MACROD2: variants seen among roughly 807,000 people sequenced by gnomAD.
MACROD2 encodes ADP-ribose glycohydrolase MACROD2.
A neutral mutation model predicts 70.4 loss-of-function variants in MACROD2; 36 were observed. The ratio of observed to expected loss-of-function variants is 0.51; its 90% CI spans 0.39 to 0.68. MACROD2 has a LOEUF of 0.68. Among genes scored for constraint, MACROD2 ranks in the 30% least tolerant of loss-of-function variants. MACROD2 has a pLI of 0.00. For synonymous variants in MACROD2, 172 were observed against 178.8 expected (o/e 0.96, Z 0.30); for missense variants, 496 against 538.4 (o/e 0.92, Z 0.78).
intron 3 of MACROD2, among the ~76,000 whole-genome samples, chr20:14,106,833 G>T (rs576839948): frequency 6.6e-6 from 1 of 152,154 alleles, no homozygotes; most frequent in Non-Finnish European, 1.5e-5. Flanking sequence ...GACCACCAAG[G>T]TGGTACCTTT....
At chr20:14,234,095 T>A (rs541204167) in intron 3 of MACROD2, among the ~76,000 whole-genome samples, 2 of 152,324 alleles carry the variant, frequency 1.3e-5, no homozygotes, top group Non-Finnish European at 2.9e-5. Flanking sequence ...TTGTAACAAA[T>A]GTACCACAGT....
chr20:15,270,776 T>C (rs2077339535), intron 6 of MACROD2, among the ~76,000 whole-genome samples: 1 of 152,138 alleles, frequency 6.6e-6, no homozygotes, highest in African/African-American at 2.4e-5. Flanking sequence ...AAACACACTA[T>C]GCAATCTTGC....
intron 6 of MACROD2, among the ~76,000 whole-genome samples, chr20:15,295,316 G>C (rs1376584634): frequency 6.6e-6 from 1 of 152,094 alleles, no homozygotes; most frequent in African/African-American, 2.4e-5. Flanking sequence ...TATGAAAATA[G>C]ACTAATACAC....
chr20:14,151,182 T>C (rs1297988450), intron 3 of MACROD2, among the ~76,000 whole-genome samples: 2 of 152,226 alleles, frequency 1.3e-5, no homozygotes, highest in African/African-American at 4.8e-5. Context: ...TTGTATCTAC[T>C]AGTCAAATTT....
chr20:14,307,012 A>AACACAC (rs3044626), intron 3 of MACROD2, among the ~76,000 whole-genome samples: 1,831 of 148,282 alleles, frequency 0.012, 15 homozygotes, highest in African/African-American at 0.025. Flanking sequence ...ACTAAATGTA[A>AACACAC]ACACACACAC....
intron 8 of MACROD2, among the ~76,000 whole-genome samples, chr20:15,609,778 G>A (rs942656676): frequency 2.0e-5 from 3 of 152,212 alleles, no homozygotes; most frequent in African/African-American, 7.2e-5. Context: ...AGGATCAGCA[G>A]GGGTTAGGCA....
intron 10 of MACROD2, among the ~76,000 whole-genome samples, chr20:15,895,981 T>C (rs1023159248): frequency 2.6e-5 from 4 of 152,248 alleles, no homozygotes; most frequent in South Asian, 2.1e-4. Flanking sequence ...TCTGAATTCA[T>C]GCATTGTACT....
chr20:15,046,832 A>C lies in MACROD2; in HGVS notation c.419-183108A>C, dbSNP rs150685670. On this transcript the variant is annotated intron_variant, in intron 5 of 17. Transcript: ENST00000684519. ...TCAGTTGTAGCTATTATACCTCATAACTTTCTGTTCCTTGACTTTGCTAAT... is the reference window on the plus strand; with the variant it reads ...TCAGTTGTAGCTATTATACCTCATACCTTTCTGTTCCTTGACTTTGCTAAT... Among the ~76,000 whole-genome samples the C allele has an allele frequency of 7.9e-5, 12 of 152,240 alleles. No homozygotes were observed. In the East Asian group the frequency reaches 2.3e-3, roughly 29 times the overall value.
chr20:14,505,388 G>A (rs1015733708), intron 4 of MACROD2, among the ~76,000 whole-genome samples: 3 of 152,072 alleles, frequency 2.0e-5, no homozygotes, highest in Admixed American at 6.5e-5. Flanking sequence ...CATATATCAA[G>A]GAATACCTGT....
chr20:15,456,241 G>C (rs1339422878), intron 7 of MACROD2, among the ~76,000 whole-genome samples: 1 of 152,160 alleles, frequency 6.6e-6, no homozygotes, highest in Non-Finnish European at 1.5e-5. Context: ...TAGAATGACT[G>C]ACTCTTCCTA....
chr20:14,874,195 A>G (rs887953642), intron 5 of MACROD2, among the ~76,000 whole-genome samples: 2 of 152,064 alleles, frequency 1.3e-5, no homozygotes, highest in African/African-American at 4.8e-5. Context: ...ACATTTGCAT[A>G]ATTTTTAAAA....
At chr20:16,049,159 G>T (rs1039219949) in intron 17 of MACROD2, among the ~76,000 whole-genome samples, 7 of 151,914 alleles carry the variant, frequency 4.6e-5, no homozygotes, top group Non-Finnish European at 1.0e-4. Flanking sequence ...GCAGGAGTGG[G>T]GTAGTAGGGA....
chr20:14,159,955 C>G (rs1013859870), intron 3 of MACROD2, among the ~76,000 whole-genome samples: 1 of 151,958 alleles, frequency 6.6e-6, no homozygotes, highest in African/African-American at 2.4e-5. Flanking sequence ...TTATCAGATG[C>G]GTTTTCTGCA....
intron 3 of MACROD2, among the ~76,000 whole-genome samples, chr20:14,481,363 G>A (rs1429057507): frequency 6.6e-6 from 1 of 151,992 alleles, no homozygotes; most frequent in Non-Finnish European, 1.5e-5. Context: ...AGGTTATCAG[G>A]ATATTAAATG....
chr20:14,977,991 T>C (rs2074757805), intron 5 of MACROD2, among the ~76,000 whole-genome samples: 1 of 152,160 alleles, frequency 6.6e-6, no homozygotes, highest in African/African-American at 2.4e-5. Context: ...TCTGCCTAGG[T>C]TCATATTGAA....
intron 6 of MACROD2, among the ~76,000 whole-genome samples, chr20:15,261,503 AC>A (rs1244372837): frequency 2.6e-5 from 4 of 151,988 alleles, no homozygotes; most frequent in Non-Finnish European, 2.9e-5. Flanking sequence ...AGAAACCTGT[AC>A]TTTTTATAAT....
chr20:15,019,510 G>A (rs2075147908), intron 5 of MACROD2, among the ~76,000 whole-genome samples: 1 of 152,152 alleles, frequency 6.6e-6, no homozygotes, highest in Non-Finnish European at 1.5e-5. Flanking sequence ...ATTTACCAAA[G>A]CCTGGAAAAG....
chr20:14,326,872 T>C lies in MACROD2; in HGVS notation c.272-166607T>C, dbSNP rs1191382251. The C allele has an allele frequency of 6.2e-7, 1 of 1,613,758 alleles. No homozygotes were observed. The highest frequency in any genetic ancestry group is 8.5e-7 in the Non-Finnish European group (1 of 1,179,790). ...AACTTTGTCACCTAAACCATGATTGTTCAACAGGTTTCCATCTAGAACCAG... is the reference window on the plus strand; with the variant it reads ...AACTTTGTCACCTAAACCATGATTGCTCAACAGGTTTCCATCTAGAACCAG... On this transcript the variant is annotated intron_variant, in intron 3 of 17. Coordinates refer to ENST00000684519, the MANE Select transcript of MACROD2 (RefSeq NM_001351661.2). The surrounding 1 kb of genome is among the most constrained non-coding windows in gnomAD (Gnocchi z 5.5).
At chr20:14,282,349 C>T (rs1230877847) in intron 3 of MACROD2, among the ~76,000 whole-genome samples, 1 of 152,150 alleles carries the variant, frequency 6.6e-6, no homozygotes, top group African/African-American at 2.4e-5. Flanking sequence ...TGCAGTTATT[C>T]AAAGGTTAGA....
Sources: allele counts gnomAD v4.1 joint callset (sites outside exome capture counted in the v4.1 genomes callset), GRCh38; gene constraint gnomAD v4.1.1; non-coding constraint Gnocchi (gnomAD v3.1); transcripts MANE v1.5; gene names NCBI Gene and HGNC (gene_info 2026-07-23, HGNC 2026-07-21).